BGN: variants seen among roughly 807,000 people sequenced by gnomAD.
BGN encodes the protein biglycan.
In BGN, 6 loss-of-function variants were observed where a neutral mutation model predicts 20.0. The observed-to-expected ratio is 0.30, with a 90% CI of 0.16 to 0.59. The LOEUF (loss-of-function observed/expected upper bound fraction) is 0.59, where lower values mean the gene tolerates loss of function less well. Among genes scored for constraint, BGN ranks in the 20% least tolerant of loss-of-function variants. The pLI, the probability that BGN is intolerant of heterozygous loss-of-function variation, is 0.88. For synonymous variants in BGN, 146 were observed against 134.6 expected (o/e 1.08, Z -0.59); for missense variants, 292 against 312.1 (o/e 0.94, Z 0.49).
intron 7 of BGN, 55 bp downstream of exon 7, chrX:153,507,240 G>C: frequency 8.7e-7 from 1 of 1,143,677 alleles, no homozygotes; most frequent in African/African-American, 1.8e-5. Flanking sequence ...GGGGAGGCGT[G>C]TGTGTCCCCG....
At position 153,503,706 on chromosome X, in the gene BGN, C is replaced by T. The variant is rs911553295; in HGVS notation, c.-11-915C>T. Among the ~76,000 whole-genome samples the T allele has an allele frequency of 3.1e-4, 35 of 112,343 alleles. No homozygotes were observed. In the East Asian group the frequency reaches 3.4e-3, roughly 11 times the overall value. On this transcript the variant is annotated intron_variant, in intron 1 of 7. Coordinates refer to ENST00000331595, the MANE Select transcript of BGN (RefSeq NM_001711.6). ...GGGCTGCTTCGCCTCCACTCCCACT[C>T]GCCGCCTCGGCCTGGGGGGCCTCAG...
intron 7 of BGN, 97 bp downstream of exon 7, chrX:153,507,282 C>G (rs192843915): frequency 9.5e-7 from 1 of 1,048,929 alleles, no homozygotes; most frequent in Non-Finnish European, 1.3e-6. Flanking sequence ...CCCTCCTTCC[C>G]GACCGGCTCT....
rs782014544 is a variant in BGN, at chrX:153,507,040, C to T, written c.771-7C>T. ...CCTTTGAGTCCGTGTCATTCTCCCG[C>T]TCACAGGCTGGGCCTAGGCCACAAC... On this transcript the variant is annotated splice_polypyrimidine_tract_variant and splice_region_variant and intron_variant, in intron 6 of 7. Transcript: ENST00000331595. 1.2e-5 allele frequency: 14 copies of T among 1,209,022 alleles called. No homozygotes were observed. The highest frequency in any genetic ancestry group is 4.4e-5 in the Admixed American group (2 of 45,869).
chrX:153,506,941 C>T lies in BGN; in HGVS notation c.770+18C>T. 1 of 1,208,132 alleles carries T rather than the reference C, an allele frequency of 8.3e-7. No homozygotes were observed. The highest frequency in any genetic ancestry group is 1.1e-6 in the Non-Finnish European group (1 of 891,907). ...CTGTACAGGTGAGGCCAGCAGGGCA[C>T]CGCCCAAGGGTGATGCCAGAGTCCC... On this transcript the variant is annotated intron_variant, in intron 6 of 7. Transcript: ENST00000331595.
chrX:153,502,894 C>G lies in BGN; in HGVS notation c.-11-1727C>G, dbSNP rs191899019. Among the ~76,000 whole-genome samples, 33 of 112,699 alleles carry G rather than the reference C, an allele frequency of 2.9e-4. 1 individual carries two copies. In the East Asian group the frequency reaches 8.7e-3, roughly 30 times the overall value. On this transcript the variant is annotated intron_variant, in intron 1 of 7. Transcript: ENST00000331595. ...AAGGCCACTCCACAGGCCTGGCAGC[C>G]GCTATAGCCACAGCCTCACCACAGG...
At chrX:153,498,828 T>C (rs1556991261) in intron 1 of BGN, among the ~76,000 whole-genome samples, 3 of 112,373 alleles carry the variant, frequency 2.7e-5, no homozygotes, top group Non-Finnish European at 3.8e-5. Flanking sequence ...GCTGGCTGTG[T>C]TGGGGCTGAG....
chrX:153,507,283 G>C, intron 7 of BGN, 98 bp downstream of exon 7: 1 of 1,044,713 alleles, frequency 9.6e-7, no homozygotes, highest in East Asian at 3.2e-5. Context: ...CCTCCTTCCC[G>C]ACCGGCTCTG....
At chrX:153,505,775 TG>T in intron 3 of BGN, 87 bp from the exon 4 acceptor site, 1 of 737,787 alleles carries the variant, frequency 1.4e-6, no homozygotes, top group Non-Finnish European at 1.9e-6. Flanking sequence ...CGAGGCCCAG[TG>T]GGCTGGGGAG....
In BGN at chrX:153,506,038, A is replaced by C. The variant is rs1320266958; in HGVS notation, c.527A>C (p.Lys176Thr). The part of the protein sequence containing the change: ...IHDNRIRKVP[K>T]GVFSGLRNMN... ...GACAACCGCATCCGCAAGGTGCCCA[A>C]GGGAGTGTTCAGCGGGCTCCGGAAC... The change falls in exon 4 of 8, where the codon AAG (lysine) becomes ACG (threonine). Residue 176 changes from lysine (K) to threonine (T), a missense_variant. Transcript: ENST00000331595. 1 of 1,210,251 alleles carries C rather than the reference A, an allele frequency of 8.3e-7. No individual in the cohort carries two copies. The highest frequency in any genetic ancestry group is 1.1e-6 in the Non-Finnish European group (1 of 895,215).
chrX:153,500,213 G>A (rs2089747058), intron 1 of BGN, among the ~76,000 whole-genome samples: 1 of 113,132 alleles, frequency 8.8e-6, no homozygotes, highest in South Asian at 3.6e-4. Flanking sequence ...CTTTCAGAGG[G>A]GCAGACAAGG....
At chrX:153,502,060 G>A (rs1203666947) in intron 1 of BGN, among the ~76,000 whole-genome samples, 1 of 112,456 alleles carries the variant, frequency 8.9e-6, no homozygotes. Context: ...CTAACAGGAG[G>A]GCCTGCAGGG....
In BGN at chrX:153,509,490, G is replaced by A. The variant is rs1247326843; in HGVS notation, c.*1045G>A. The A allele has an allele frequency of 8.9e-6, 1 of 112,636 alleles. No individual in the cohort carries two copies. The highest frequency in any genetic ancestry group is 3.2e-5 in the African/African-American group (1 of 30,977). 9.3% of individuals were successfully genotyped at this position (112,636 alleles called of 1,213,427 possible). A position where few individuals can be genotyped will look rare whatever the true frequency, so the allele number is the denominator to read the frequency against. ...TTATCCTTCTGGTCCAGCGCAAGGA[G>A]GGGCTGCTTCTGAGGTCGGTGGCTG... On this transcript the variant is annotated 3_prime_UTR_variant, in exon 8 of 8. Coordinates refer to ENST00000331595, the MANE Select transcript of BGN (RefSeq NM_001711.6).
At chrX:153,501,996 G>A (rs1470271509) in intron 1 of BGN, among the ~76,000 whole-genome samples, 11 of 112,541 alleles carry the variant, frequency 9.8e-5, no homozygotes, top group Admixed American at 4.6e-4. Context: ...CAGTCTTGCC[G>A]TGACTGGCCT....
intron 3 of BGN, among the ~76,000 whole-genome samples, 156 bp from the exon 4 acceptor site, chrX:153,505,707 G>T (rs1280506869): frequency 9.0e-6 from 1 of 110,555 alleles, no homozygotes; most frequent in African/African-American, 3.3e-5. Flanking sequence ...GCTCAGGACC[G>T]GGCCTGGGTG....
chrX:153,496,948 G>GCCCCCCCCCCCCCC (rs782676136), intron 1 of BGN, among the ~76,000 whole-genome samples: 9 of 57,184 alleles, frequency 1.6e-4, no homozygotes, highest in Admixed American at 9.9e-4. Flanking sequence ...TGCTTCCCGG[G>GCCCCCCCCCCCCCC]CCCACCCCCC....
At chrX:153,500,264 A>C (rs2089747446) in intron 1 of BGN, among the ~76,000 whole-genome samples, 1 of 113,054 alleles carries the variant, frequency 8.8e-6, no homozygotes, top group Admixed American at 9.3e-5. Flanking sequence ...CAGGAAGCCC[A>C]GCCTCCTCCC....
intron 3 of BGN, among the ~76,000 whole-genome samples, 199 bp from the exon 4 acceptor site, chrX:153,505,664 T>C (rs782456178): frequency 8.9e-6 from 1 of 112,019 alleles, no homozygotes; most frequent in African/African-American, 3.2e-5. Context: ...AAACTGAGGC[T>C]TGGAGCGGCA....
rs1556992812 is a variant in BGN at position 153,505,312 on chromosome X, C to T, written c.313C>T (p.Leu105Phe). ...LDLQNNDISE[L>F]RKDDFKGLQH... is the part of the protein sequence containing the mutation. ...CCTGCAGAACAACGACATCTCCGAGCTCCGCAAGGATGACTTCAAGGGTCT... is the reference window on the plus strand; with the variant it reads ...CCTGCAGAACAACGACATCTCCGAGTTCCGCAAGGATGACTTCAAGGGTCT... Residue 105 changes from leucine to phenylalanine, a missense_variant, in exon 3 of 8, where the codon CTC (leucine) becomes TTC (phenylalanine). Transcript: ENST00000331595. 1 of 1,210,749 alleles carries T rather than the reference C, an allele frequency of 8.3e-7. No homozygotes were observed. The highest frequency in any genetic ancestry group is 2.2e-5 in the Admixed American group (1 of 46,029).
chrX:153,496,039 T>C (rs1556990676), intron 1 of BGN, among the ~76,000 whole-genome samples: 1 of 111,770 alleles, frequency 8.9e-6, no homozygotes. Flanking sequence ...CCCTCACTGC[T>C]CCATGGGCGG....
Sources: gnomAD v4.1 joint callset for allele counts (sites outside exome capture counted in the v4.1 genomes callset) on GRCh38, gnomAD v4.1.1 for gene constraint, MANE v1.5 for transcripts, NCBI Gene and HGNC (gene_info 2026-07-23, HGNC 2026-07-21) for gene names.